NIPBL: variants seen among roughly 807,000 people sequenced by gnomAD.
NIPBL encodes the protein nipped-B-like protein.
Under a neutral mutation model 321.8 loss-of-function variants are expected in NIPBL, and 19 were observed. The observed-to-expected ratio is 0.06, with a 90% CI of 0.04 to 0.09. The LOEUF is 0.09. Ranked by LOEUF, NIPBL falls within the 10% of genes least tolerant of loss-of-function variation. The pLI is 1.00. For missense variants in NIPBL, 2,210 were observed against 3,327.0 expected, an observed-to-expected ratio of 0.66 and a Z score of 8.26; for synonymous variants, 1,106 against 1,114.1, an observed-to-expected ratio of 0.99 and a Z score of 0.14.
At chr5:37,011,254 T>C (rs140367392) in intron 21 of NIPBL, among the ~76,000 whole-genome samples, 1 of 152,282 alleles carries the variant, frequency 6.6e-6, no homozygotes, top group East Asian at 1.9e-4. Flanking sequence ...ATAATAAATA[T>C]GTAATAATTA....
chr5:36,955,296 T>G (rs1422253462), intron 2 of NIPBL, among the ~76,000 whole-genome samples, 176 bp from the exon 3 acceptor site: 1 of 152,184 alleles, frequency 6.6e-6, no homozygotes. Context: ...ATGGTCCAAG[T>G]GATGTTTTGG....
chr5:36,951,267 T>G (rs1211897231), intron 1 of NIPBL, among the ~76,000 whole-genome samples: 1 of 152,168 alleles, frequency 6.6e-6, no homozygotes, highest in Non-Finnish European at 1.5e-5. Context: ...TGGGGTTGGA[T>G]CTGCTCTATT....
At chr5:36,885,002 G>GAGTATTGCA (rs1181653105) in intron 1 of NIPBL, among the ~76,000 whole-genome samples, 1 of 152,130 alleles carries the variant, frequency 6.6e-6, no homozygotes, top group East Asian at 1.9e-4. Context: ...TAAGATACTG[G>GAGTATTGCA]AGTATTGCAA....
intron 8 of NIPBL, 67 bp from the exon 9 acceptor site, chr5:36,975,709 T>C: frequency 1.4e-6 from 2 of 1,438,398 alleles, no homozygotes; most frequent in South Asian, 2.3e-5. Context: ...CTTATTAATA[T>C]TTCTATCACA....
intron 10 of NIPBL, among the ~76,000 whole-genome samples, chr5:36,991,355 T>G (rs1745491938): frequency 1.3e-5 from 2 of 152,128 alleles, no homozygotes; most frequent in African/African-American, 4.8e-5. Context: ...TGTCTGATTT[T>G]TTTATATAAA....
At chr5:36,991,924 A>G (rs1745569089) in intron 10 of NIPBL, among the ~76,000 whole-genome samples, 1 of 152,158 alleles carries the variant, frequency 6.6e-6, no homozygotes, top group African/African-American at 2.4e-5. Flanking sequence ...AAAAGAAAAC[A>G]GAACACATTG....
chr5:37,009,950 C>T, intron 20 of NIPBL, 137 bp from the exon 21 acceptor site: 1 of 675,366 alleles, frequency 1.5e-6, no homozygotes, highest in Non-Finnish European at 2.6e-6. Context: ...CAAATAATTA[C>T]ACATAAGAAC....
Position 36,958,181 on chromosome 5 carries a change from G to C in NIPBL, c.308G>C (p.Ser103Thr), listed in dbSNP as rs748123160. The C allele has an allele frequency of 6.2e-7, 1 of 1,613,948 alleles. No homozygotes were observed. The highest frequency in any genetic ancestry group is 1.1e-5 in the South Asian group (1 of 91,086). Residue 103 changes from serine (S) to threonine (T), a missense_variant, in exon 4 of 47, where the codon AGT (serine) becomes ACT (threonine). Ser to Thr is a moderately conservative substitution (Grantham distance 58). Coordinates refer to ENST00000282516, the MANE Select transcript of NIPBL (RefSeq NM_133433.4). Reference sequence around the variant, plus strand: ...TTGTTGCAGGCCGTCCTGGCAAGGAGTCCTAATGTTTTCAGGGAGAAAAGC... The same window carrying C: ...TTGTTGCAGGCCGTCCTGGCAAGGACTCCTAATGTTTTCAGGGAGAAAAGC... ...PVLLQAVLAR[S>T]PNVFREKSMQ...
chr5:36,992,019 T>C (rs1434942321), intron 10 of NIPBL, among the ~76,000 whole-genome samples: 3 of 152,308 alleles, frequency 2.0e-5, no homozygotes, highest in Middle Eastern at 3.4e-3. Flanking sequence ...GAGTGATTTA[T>C]AATGGAAATC....
intron 1 of NIPBL, among the ~76,000 whole-genome samples, chr5:36,935,933 G>A (rs1438619186): frequency 6.6e-6 from 1 of 152,082 alleles, no homozygotes; most frequent in Non-Finnish European, 1.5e-5. Flanking sequence ...ATATAAGGAT[G>A]TGTGTCATTA....
intron 25 of NIPBL, 139 bp from the exon 26 acceptor site, chr5:37,020,320 A>G: frequency 1.5e-6 from 1 of 676,182 alleles, no homozygotes; most frequent in Non-Finnish European, 2.6e-6. Context: ...CTTTCTTAAA[A>G]TCTGTTTTTA....
chr5:36,888,701 T>G (rs1368096280), intron 1 of NIPBL, among the ~76,000 whole-genome samples: 1 of 152,088 alleles, frequency 6.6e-6, no homozygotes, highest in Non-Finnish European at 1.5e-5. Context: ...ATGTTCATGG[T>G]TTTGTATAAC....
At chr5:36,905,704 A>G (rs1231761313) in intron 1 of NIPBL, among the ~76,000 whole-genome samples, 1 of 152,134 alleles carries the variant, frequency 6.6e-6, no homozygotes, top group East Asian at 1.9e-4. Flanking sequence ...TTATCTAAAA[A>G]ATAAGAAAGT....
intron 6 of NIPBL, among the ~76,000 whole-genome samples, chr5:36,966,638 C>G (rs1457644459): frequency 6.6e-6 from 1 of 152,012 alleles, no homozygotes; most frequent in Admixed American, 6.6e-5. Flanking sequence ...GGGTAGCATT[C>G]AGTGAATCTC....
chr5:36,977,820 A>G (rs774823144), intron 9 of NIPBL, among the ~76,000 whole-genome samples: 13 of 151,526 alleles, frequency 8.6e-5, no homozygotes, highest in Non-Finnish European at 1.3e-4. Context: ...GTGTGTACCC[A>G]TTGTTGAATT....
At chr5:36,901,078 A>G (rs1345538373) in intron 1 of NIPBL, among the ~76,000 whole-genome samples, 1 of 152,128 alleles carries the variant, frequency 6.6e-6, no homozygotes, top group Non-Finnish European at 1.5e-5. Flanking sequence ...CCTGACAGGT[A>G]GTTTTTGATC....
chr5:37,012,621 G>T (rs369616475), intron 21 of NIPBL, among the ~76,000 whole-genome samples: 5,125 of 152,166 alleles, frequency 0.034, 59 homozygotes, highest in South Asian at 0.079. Context: ...CCGGCCTTCC[G>T]CAGTGTTTGT....
At position 36,958,179 on chromosome 5, in the gene NIPBL, G is replaced by T. The variant is rs778661285; in HGVS notation, c.306G>T (p.Arg102Ser). The T allele has an allele frequency of 3.1e-6, 5 of 1,613,908 alleles. No homozygotes were observed. Among genetic ancestry groups the T allele is most frequent in the Non-Finnish European group, 4.2e-6 (5 of 1,179,940 alleles). The stretch of plus-strand genomic sequence containing the variant: ...TCTTGTTGCAGGCCGTCCTGGCAAG[G>T]AGTCCTAATGTTTTCAGGGAGAAAA... Reference protein sequence around the residue: ...IPVLLQAVLARSPNVFREKSM... With the variant: ...IPVLLQAVLASSPNVFREKSM... Residue 102 changes from arginine (R) to serine (S), a missense_variant, in exon 4 of 47, where the codon AGG (arginine) becomes AGT (serine). By Grantham distance (110) the Arg-to-Ser change is moderately radical (BLOSUM62 -1). This residue lies in a region of NIPBL where 464 missense variants were observed against 529.5 expected (regional missense o/e 0.88). Transcript: ENST00000282516.
chr5:37,028,904 G>A (rs182576276), intron 32 of NIPBL, among the ~76,000 whole-genome samples: 12 of 152,072 alleles, frequency 7.9e-5, no homozygotes, highest in Admixed American at 3.3e-4. Flanking sequence ...TTTCTCATGC[G>A]ACTTGTATGT....
Sources: allele counts gnomAD v4.1 joint callset (sites outside exome capture counted in the v4.1 genomes callset), GRCh38; gene constraint gnomAD v4.1.1; regional missense constraint gnomAD v4.1.1; transcripts MANE v1.5; gene names NCBI Gene and HGNC (gene_info 2026-07-23, HGNC 2026-07-21).